The following ZNF594 variants were observed in gnomAD, a reference collection of about 807,000 sequenced individuals.
ZNF594 encodes zinc finger protein HZF18.
For missense variants in ZNF594, 1,037 were observed against 964.6 expected (o/e 1.08, Z -0.99); for synonymous variants, 336 against 309.4 (o/e 1.09, Z -0.90).
rs753863756 is a variant in ZNF594, at chr17:5,181,543, A to C, written c.*290T>G. Reference sequence around the variant, plus strand: ...GTGTGCCACATGAAGAGTTTCCCACATTCCTTACATTCATAGGGTTTCTCA... The same window carrying C: ...GTGTGCCACATGAAGAGTTTCCCACCTTCCTTACATTCATAGGGTTTCTCA... On this transcript the variant is annotated 3_prime_UTR_variant, in exon 2 of 2. Transcript: ENST00000575779. The C allele has an allele frequency of 1.7e-5, 28 of 1,613,824 alleles. No homozygotes were observed. Among genetic ancestry groups the C allele is most frequent in the Non-Finnish European group, 2.1e-5 (25 of 1,179,892 alleles).
rs1382811904 is a variant in ZNF594, at chr17:5,184,083, A to C, written c.174T>G (p.His58Gln). 1 of 1,614,000 alleles carries C rather than the reference A, an allele frequency of 6.2e-7. No individual in the cohort carries two copies. Among genetic ancestry groups the C allele is most frequent in the Non-Finnish European group, 8.5e-7 (1 of 1,180,024 alleles). Reference sequence around the variant, plus strand: ...TGATACCGCTCTCTTGGGAAGGGAGATGTCTCATTGCATCCTTTAAAGGGC... The same window carrying C: ...TGATACCGCTCTCTTGGGAAGGGAGCTGTCTCATTGCATCCTTTAAAGGGC... Reference protein sequence around the residue: ...WVSPLKDAMRHLPSQESGIRE... With the variant: ...WVSPLKDAMRQLPSQESGIRE... The change falls in exon 2 of 2, where the codon CAT becomes CAG. Residue 58 changes from histidine to glutamine, a missense_variant. Coordinates refer to ENST00000575779, the MANE Select transcript of ZNF594 (RefSeq NM_032530.2).
In ZNF594 at chr17:5,181,096, TGAC is replaced by T; in HGVS notation, c.*734_*736del. The T allele has an allele frequency of 6.8e-7, 1 of 1,470,618 alleles. No homozygotes were observed. The highest frequency in any genetic ancestry group is 9.5e-7 in the Non-Finnish European group (1 of 1,057,178). 91.1% of individuals were successfully genotyped at this position (1,470,618 alleles called of 1,614,324 possible). ...TCTCTGGTATGAATTCTTTGATGACTGACAAGGTGTGAGTTCTGACTGAAGGCC... is the reference window on the plus strand; with the variant it reads ...TCTCTGGTATGAATTCTTTGATGACTAAGGTGTGAGTTCTGACTGAAGGCC... On this transcript the variant is annotated 3_prime_UTR_variant, in exon 2 of 2. Transcript: ENST00000575779.
At chr17:5,176,444 A>G (rs1162386243), downstream of ZNF594, among the ~76,000 whole-genome samples, 1 of 151,562 alleles carries the variant, frequency 6.6e-6, no homozygotes, top group Non-Finnish European at 1.5e-5. Flanking sequence ...TTGAATCAGC[A>G]GCAGTGGCAG....
intron 1 of ZNF594, among the ~76,000 whole-genome samples, chr17:5,184,585 G>A (rs1034267564): frequency 6.6e-6 from 1 of 152,188 alleles, no homozygotes; most frequent in African/African-American, 2.4e-5. Flanking sequence ...CCTGTTGGAT[G>A]GGGGAGGAAC....
Position 5,182,443 on chromosome 17 carries a change from A to G in ZNF594, c.1814T>C (p.Phe605Ser). The G allele has an allele frequency of 6.2e-7, 1 of 1,608,870 alleles. No homozygotes were observed. The highest frequency in any genetic ancestry group is 8.5e-7 in the Non-Finnish European group (1 of 1,179,590). Residue 605 changes from phenylalanine (F) to serine (S), a missense_variant, in exon 2 of 2, where the codon TTC becomes TCC. By Grantham distance (155) the Phe-to-Ser change is radical (BLOSUM62 -2). Transcript: ENST00000575779. Reference protein sequence around the residue: ...PYECKECGKTFNQSSDLLRHH... With the variant: ...PYECKECGKTSNQSSDLLRHH... The stretch of plus-strand genomic sequence containing the variant: ...TCTCAGAAGGTCTGAGCTCTGATTG[A>G]AAGTTTTCCCACATTCTTTGCATTC...
chr17:5,188,539 C>A (rs1040684804), intron 1 of ZNF594, among the ~76,000 whole-genome samples: 1 of 151,948 alleles, frequency 6.6e-6, no homozygotes, highest in South Asian at 2.1e-4. Flanking sequence ...TAAAAAAATA[C>A]ACATTTTCAG....
Position 5,183,855 on chromosome 17 carries a change from T to TCC in ZNF594, c.401_402insGG (p.Thr135GlufsTer9), listed in dbSNP as rs749502982. 1 of 1,613,752 alleles carries TCC rather than the reference T, an allele frequency of 6.2e-7. No homozygotes were observed. The highest frequency in any genetic ancestry group is 1.1e-5 in the South Asian group (1 of 90,960). ...TCAGGTTTGAACTCCTGTTGAAGGT[T>TCC]TTTTCACATTCCTTACATTCATAGG... On this transcript the variant is annotated frameshift_variant, in exon 2 of 2. Coordinates refer to ENST00000575779, the MANE Select transcript of ZNF594 (RefSeq NM_032530.2). LOFTEE classifies it low-confidence loss of function (END_TRUNC).
intron 1 of ZNF594, among the ~76,000 whole-genome samples, chr17:5,188,167 T>G (rs1274125457): frequency 6.6e-6 from 1 of 151,144 alleles, no homozygotes; most frequent in Non-Finnish European, 1.5e-5. Flanking sequence ...GTTTAGTGTT[T>G]TTTTTTTTTT....
downstream of ZNF594, among the ~76,000 whole-genome samples, chr17:5,176,198 C>G (rs1428594335): frequency 6.6e-6 from 1 of 152,052 alleles, no homozygotes; most frequent in Non-Finnish European, 1.5e-5. Flanking sequence ...GAGTTCCAGG[C>G]CAGCCTGACC....
intron 1 of ZNF594, among the ~76,000 whole-genome samples, chr17:5,184,643 C>T (rs977154168): frequency 2.6e-5 from 4 of 152,186 alleles, no homozygotes; most frequent in Admixed American, 6.5e-5. Flanking sequence ...GGAAGCAACC[C>T]ACTAGGGTAA....
intron 1 of ZNF594, among the ~76,000 whole-genome samples, chr17:5,190,079 A>AC (rs2074411466): frequency 6.6e-6 from 1 of 152,212 alleles, no homozygotes; most frequent in African/African-American, 2.4e-5. Context: ...GAAAAGAGCA[A>AC]ACACAGGCCG....
In ZNF594 at chr17:5,181,987, TC is replaced by T; in HGVS notation, c.2269del (p.Glu757LysfsTer25). On this transcript the variant is annotated frameshift_variant, in exon 2 of 2. Transcript: ENST00000575779. LOFTEE classifies it low-confidence loss of function (END_TRUNC). ...ELRKEQRTHQEKKVYWCNQCS... is the reference protein window; with the variant it reads ...ELRKEQRTHQXKKVYWCNQCS... ...CTGATTACACCAATAAACTTTCTTTTCCTGGTGAGTTCTCTGCTCTTTTCTA... is the reference window on the plus strand; with the variant it reads ...CTGATTACACCAATAAACTTTCTTTTCTGGTGAGTTCTCTGCTCTTTTCTA... The T allele has an allele frequency of 6.2e-7, 1 of 1,613,616 alleles. No homozygotes were observed. Among genetic ancestry groups the T allele is most frequent in the Non-Finnish European group, 8.5e-7 (1 of 1,179,988 alleles).
At position 5,181,688 on chromosome 17, in the gene ZNF594, C is replaced by T. The variant is rs1268169223; in HGVS notation, c.*145G>A. 1 of 1,573,712 alleles carries T rather than the reference C, an allele frequency of 6.4e-7. No homozygotes were observed. The highest frequency in any genetic ancestry group is 8.7e-7 in the Non-Finnish European group (1 of 1,143,586). On this transcript the variant is annotated 3_prime_UTR_variant, in exon 2 of 2. Transcript: ENST00000575779. ...TTTTCTGGTGTGTGACAAGGTGGGA[C>T]CTCTGGCTAAAGACTTTCCCACATT...
At position 5,182,735 on chromosome 17, in the gene ZNF594, T is replaced by C. The variant is rs756221521; in HGVS notation, c.1522A>G (p.Arg508Gly). Residue 508 changes from arginine (R) to glycine (G), a missense_variant, in exon 2 of 2, where the codon AGA (arginine) becomes GGA (glycine). Transcript: ENST00000575779. ...RRRSLLIQHR[R>G]IHSGEKPYEC... ...TAGGGTTTCTCACCACTATGAATTCTCCGATGTTGAATAAGGAGTGAACGC... is the reference window on the plus strand; with the variant it reads ...TAGGGTTTCTCACCACTATGAATTCCCCGATGTTGAATAAGGAGTGAACGC... 1.2e-6 allele frequency: 2 copies of C among 1,614,032 alleles called. No homozygotes were observed. The highest frequency in any genetic ancestry group is 8.5e-7 in the Non-Finnish European group (1 of 1,179,992).
At chr17:5,177,331 G>C (rs994793091), downstream of ZNF594, among the ~76,000 whole-genome samples, 1 of 152,176 alleles carries the variant, frequency 6.6e-6, no homozygotes, top group Non-Finnish European at 1.5e-5. Flanking sequence ...CCATAGAGCA[G>C]TGTATTAAGA....
intron 1 of ZNF594, among the ~76,000 whole-genome samples, chr17:5,186,091 C>T (rs2074384693): frequency 6.6e-6 from 1 of 152,182 alleles, no homozygotes; most frequent in Non-Finnish European, 1.5e-5. Flanking sequence ...CTAGAAGGTG[C>T]CCGAGTAGGG....
chr17:5,176,395 CAAAAAAAAAAAAA>C (rs34510280), downstream of ZNF594, among the ~76,000 whole-genome samples: 5 of 85,620 alleles, frequency 5.8e-5, no homozygotes, highest in African/African-American at 2.2e-4. Flanking sequence ...AACTCTGTCT[CAAAAAAAAAAAAA>C]AAAAAAAAGA....
rs748184199 is a variant in ZNF594, at chr17:5,181,412, T to C, written c.*421A>G. The C allele has an allele frequency of 8.1e-6, 13 of 1,613,224 alleles. No individual in the cohort carries two copies. Among genetic ancestry groups the C allele is most frequent in the Middle Eastern group, 1.6e-4 (1 of 6,082 alleles). On this transcript the variant is annotated 3_prime_UTR_variant, in exon 2 of 2. Coordinates refer to ENST00000575779, the MANE Select transcript of ZNF594 (RefSeq NM_032530.2). ...GATTACACCAATAAGCTTTCTCTTC[T>C]TGGTGAATTTTCTGCTCTCCCCTAA... is the stretch of plus-strand genomic sequence containing the variant.
Position 5,183,512 on chromosome 17 carries a change from T to C in ZNF594, c.745A>G (p.Ser249Gly), listed in dbSNP as rs771650150. Residue 249 changes from serine to glycine, a missense_variant, in exon 2 of 2, where the codon AGT becomes GGT. Coordinates refer to ENST00000575779, the MANE Select transcript of ZNF594 (RefSeq NM_032530.2). ...TGTATAATAAGATCTGTGCTTTGAC[T>C]GAAAGCCTTCCCACATTTATTGCAT... The part of the protein sequence containing the change: ...YLCNKCGKAF[S>G]QSTDLIIHHR... The C allele has an allele frequency of 1.9e-6, 3 of 1,614,108 alleles. No homozygotes were observed. The highest frequency in any genetic ancestry group is 2.7e-5 in the African/African-American group (2 of 74,948).
Sources: allele counts gnomAD v4.1 joint callset (sites outside exome capture counted in the v4.1 genomes callset), GRCh38; gene constraint gnomAD v4.1.1; transcripts MANE v1.5; gene names NCBI Gene and HGNC (gene_info 2026-07-23, HGNC 2026-07-21).